The following BPTF variants were observed in gnomAD, a reference collection of about 807,000 sequenced individuals.
The protein encoded by BPTF is nucleosome-remodeling factor subunit BPTF.
BPTF carries 18 observed loss-of-function variants against 292.5 expected under a neutral mutation model. That is an observed-to-expected ratio of 0.06 (90% CI 0.04 to 0.09). The LOEUF is 0.09. BPTF is among the 10% of genes least tolerant of loss of function. The probability of loss-of-function intolerance (pLI) is 1.00; values close to 1 mark genes in which losing one functional copy is unlikely to be tolerated. For missense variants in BPTF, 2,726 were observed against 3,498.7 expected, an observed-to-expected ratio of 0.78 and a Z score of 5.57; for synonymous variants, 1,225 against 1,251.9, an observed-to-expected ratio of 0.98 and a Z score of 0.45.
intron 24 of BPTF, chr17:67,963,546 AG>A (rs2067711837): frequency 7.3e-6 from 10 of 1,363,920 alleles, no homozygotes; most frequent in Non-Finnish European, 9.5e-6. Context: ...TAATTTAGGA[AG>A]CCAAATTGCT....
chr17:67,874,348 T>A (rs2059931612), intron 3 of BPTF, among the ~76,000 whole-genome samples: 1 of 152,134 alleles, frequency 6.6e-6, no homozygotes, highest in Non-Finnish European at 1.5e-5. Flanking sequence ...CTTTTTACAG[T>A]TGAGGAAATG....
chr17:67,952,234 ATTC>A (rs1351265728), intron 23 of BPTF, among the ~76,000 whole-genome samples: 2 of 140,644 alleles, frequency 1.4e-5, no homozygotes, highest in African/African-American at 5.3e-5. Flanking sequence ...ACATCTGCCT[ATTC>A]TTATTTCTGC....
At chr17:67,859,997 A>G (rs1378919372) in intron 2 of BPTF, among the ~76,000 whole-genome samples, 1 of 152,202 alleles carries the variant, frequency 6.6e-6, no homozygotes, top group Non-Finnish European at 1.5e-5. Flanking sequence ...TTCTTAGTGG[A>G]ACAGTAAAAT....
intron 4 of BPTF, chr17:67,875,609 A>G (rs772506715): frequency 6.3e-7 from 1 of 1,596,480 alleles, no homozygotes; most frequent in Non-Finnish European, 8.5e-7. Flanking sequence ...TCTTGGCGAC[A>G]ACACAACAAA....
At chr17:67,916,220 A>G (rs2062977035) in intron 11 of BPTF, among the ~76,000 whole-genome samples, 1 of 152,186 alleles carries the variant, frequency 6.6e-6, no homozygotes, top group Admixed American at 6.5e-5. Context: ...ACAAGTGGAT[A>G]TGGGAAGTTA....
chr17:67,972,954 A>T (rs1211054068), intron 26 of BPTF, among the ~76,000 whole-genome samples: 1 of 150,806 alleles, frequency 6.6e-6, no homozygotes, highest in African/African-American at 2.4e-5. Flanking sequence ...AGTTCTTCAC[A>T]TTTACACATT....
intron 19 of BPTF, among the ~76,000 whole-genome samples, chr17:67,941,100 A>G (rs1409671509): frequency 6.6e-6 from 1 of 152,278 alleles, no homozygotes; most frequent in South Asian, 2.1e-4. Context: ...AGTATTAAGA[A>G]TATCTGTACC....
intron 3 of BPTF, among the ~76,000 whole-genome samples, chr17:67,869,355 A>C (rs1361867247): frequency 6.6e-6 from 1 of 152,230 alleles, no homozygotes; most frequent in African/African-American, 2.4e-5. Context: ...AACAAAGTCA[A>C]AACAGGAATG....
chr17:67,892,626 A>T (rs981981283), intron 5 of BPTF, among the ~76,000 whole-genome samples: 11 of 152,172 alleles, frequency 7.2e-5, no homozygotes, highest in Non-Finnish European at 1.3e-4. Context: ...GATATGCAAG[A>T]ATAAAGGACA....
intron 1 of BPTF, among the ~76,000 whole-genome samples, chr17:67,827,659 G>A (rs2056217763): frequency 1.3e-5 from 2 of 152,162 alleles, no homozygotes; most frequent in East Asian, 1.9e-4. Context: ...GACTAGGGTA[G>A]TAGAAGTGGT....
At position 67,902,476 on chromosome 17, in the gene BPTF, C is replaced by T. The variant is rs554856342; in HGVS notation, c.2544-1313C>T. On this transcript the variant is annotated intron_variant, in intron 7 of 27. Coordinates refer to ENST00000306378, the MANE Select transcript of BPTF (RefSeq NM_182641.4). ...GCTAGTCCTTCTCCTTAGTTCCAAG[C>T]GTGTTGGCAGAGGGATGGAATTTGA... Among the ~76,000 whole-genome samples, 8 of 152,280 alleles carry T rather than the reference C, an allele frequency of 5.3e-5. No homozygotes were observed. The South Asian group carries it at 6.2e-4, about 12-fold the overall frequency.
intron 4 of BPTF, among the ~76,000 whole-genome samples, chr17:67,884,254 C>T (rs930467486): frequency 6.6e-6 from 1 of 150,854 alleles, no homozygotes. Context: ...TACAGGCATG[C>T]ACCACCACAC....
At chr17:67,872,379 A>T (rs1261129426) in intron 3 of BPTF, among the ~76,000 whole-genome samples, 1 of 152,078 alleles carries the variant, frequency 6.6e-6, no homozygotes, top group Non-Finnish European at 1.5e-5. Context: ...AGTAGGGAGG[A>T]TGTACAATGA....
At position 67,914,595 on chromosome 17, in the gene BPTF, A is replaced by G. The variant is rs530342147; in HGVS notation, c.5303+1408A>G. Among the ~76,000 whole-genome samples, 8 of 152,346 alleles carry G rather than the reference A, an allele frequency of 5.3e-5. No individual in the cohort carries two copies. The East Asian group carries it at 9.6e-4, about 18-fold the overall frequency. ...CTTCTTTCCCACTGGAAAAGTTACT[A>G]TGTACAAATACTTTAATTAAAGTGA... On this transcript the variant is annotated intron_variant, in intron 11 of 27. Transcript: ENST00000306378.
At chr17:67,883,989 G>A (rs1235108532) in intron 4 of BPTF, among the ~76,000 whole-genome samples, 1 of 152,006 alleles carries the variant, frequency 6.6e-6, no homozygotes, top group Non-Finnish European at 1.5e-5. Flanking sequence ...TATAAGTATT[G>A]TTCTACACCT....
intron 7 of BPTF, among the ~76,000 whole-genome samples, chr17:67,900,084 A>C (rs2061720984): frequency 1.3e-5 from 2 of 152,002 alleles, no homozygotes; most frequent in Admixed American, 6.6e-5. Context: ...GCACCTAGGA[A>C]TAATTGTGTG....
intron 24 of BPTF, among the ~76,000 whole-genome samples, chr17:67,962,577 A>G (rs1177524369): frequency 1.3e-5 from 2 of 152,238 alleles, no homozygotes; most frequent in Non-Finnish European, 2.9e-5. Context: ...CCGGTGTTGA[A>G]CTGAAGCATC....
chr17:67,910,526 G>A (rs146353526), intron 10 of BPTF, among the ~76,000 whole-genome samples: 67 of 152,242 alleles, frequency 4.4e-4, no homozygotes, highest in East Asian at 2.3e-3. Context: ...TTGGCTGGGC[G>A]TGGTGGCTCA....
chr17:67,873,684 C>A (rs888476248), intron 3 of BPTF, among the ~76,000 whole-genome samples: 3 of 151,566 alleles, frequency 2.0e-5, no homozygotes, highest in Admixed American at 2.0e-4. Context: ...GGTAAATGAA[C>A]CCTATACAGA....
Sources: allele counts gnomAD v4.1 joint callset (sites outside exome capture counted in the v4.1 genomes callset), GRCh38; gene constraint gnomAD v4.1.1; transcripts MANE v1.5; gene names NCBI Gene and HGNC (gene_info 2026-07-23, HGNC 2026-07-21).